TASOR: variants seen among roughly 807,000 people sequenced by gnomAD.
TASOR encodes transcription activation suppressor, also known as protein TASOR.
Under a neutral mutation model 178.6 loss-of-function variants are expected in TASOR, and 53 were observed. The observed-to-expected ratio is 0.30, with a 90% confidence interval of 0.24 to 0.37. The LOEUF is 0.37. Among genes scored for constraint, TASOR ranks in the 10% least tolerant of loss-of-function variants. The pLI, the probability that TASOR is intolerant of heterozygous loss-of-function variation, is 1.00. For missense variants in TASOR, 1,815 were observed against 1,971.4 expected, an observed-to-expected ratio of 0.92 and a Z score of 1.50; for synonymous variants, 713 against 696.2, an observed-to-expected ratio of 1.02 and a Z score of -0.38.
chr3:56,672,795 G>C (rs1457278191), intron 2 of TASOR, among the ~76,000 whole-genome samples: 6 of 152,070 alleles, frequency 3.9e-5, no homozygotes, highest in African/African-American at 1.4e-4. Context: ...AATACTCAAA[G>C]AGCAAAAAGC....
At chr3:56,639,028 A>T (rs891941195) in intron 16 of TASOR, among the ~76,000 whole-genome samples, 1 of 152,138 alleles carries the variant, frequency 6.6e-6, no homozygotes, top group Non-Finnish European at 1.5e-5. Context: ...TCTCCTACTC[A>T]AGCTGATGTT....
At chr3:56,629,098 AG>A (rs2076858814) in intron 18 of TASOR, 1 of 152,634 alleles carries the variant, frequency 6.6e-6, no homozygotes, top group African/African-American at 2.4e-5. Flanking sequence ...TTTCTAGAAG[AG>A]GAATCTAAAG....
In TASOR at chr3:56,623,250, A is replaced by C. The variant is rs1411950625; in HGVS notation, c.4800T>G (p.Ser1600Arg). 1 of 1,613,436 alleles carries C rather than the reference A, an allele frequency of 6.2e-7. No individual in the cohort carries two copies. Among genetic ancestry groups the C allele is most frequent in the Non-Finnish European group, 8.5e-7 (1 of 1,179,906 alleles). Residue 1600 changes from serine to arginine, a missense_variant, in exon 24 of 24, where the codon AGT (serine) becomes AGG (arginine). Ser to Arg is a moderately radical substitution (Grantham distance 110). Coordinates refer to ENST00000683822, the MANE Select transcript of TASOR (RefSeq NM_001365635.2). ...DSYSNFQVYH[S>R]QLNMSHQFSH... ...TAAACTGATGGGACATATTTAATTGACTATGATAAACCTGAAAGTTACTAT... is the reference window on the plus strand; with the variant it reads ...TAAACTGATGGGACATATTTAATTGCCTATGATAAACCTGAAAGTTACTAT...
chr3:56,665,611 G>A (rs531590553), intron 7 of TASOR, among the ~76,000 whole-genome samples: 42 of 151,950 alleles, frequency 2.8e-4, no homozygotes, highest in Admixed American at 7.2e-4. Flanking sequence ...CACCCACCTC[G>A]TCCTCCCAAA....
chr3:56,678,500 T>C (rs1578309256), intron 1 of TASOR, among the ~76,000 whole-genome samples: 1 of 151,986 alleles, frequency 6.6e-6, no homozygotes, highest in Non-Finnish European at 1.5e-5. Context: ...GATTTGAAGG[T>C]TGTATTTATA....
chr3:56,621,462 C>CTAGTT lies in TASOR; in HGVS notation c.*1570_*1574dup. 9.8e-7 allele frequency: 1 copy of CTAGTT among 1,025,412 alleles called. No homozygotes were observed. Among genetic ancestry groups the CTAGTT allele is most frequent in the Non-Finnish European group, 1.4e-6 (1 of 703,732 alleles). The allele number at this position is 1,025,412 out of a possible 1,614,324, so 63.5% of individuals were successfully genotyped here. A position where few individuals can be genotyped will look rare whatever the true frequency, so the allele number is the denominator to read the frequency against. ...ATATGTTTTCCAAGTGAATATAATT[C>CTAGTT]TAGTTTAACACAACATTGCAAGTCA... On this transcript the variant is annotated 3_prime_UTR_variant, in exon 24 of 24. Coordinates refer to ENST00000683822, the MANE Select transcript of TASOR (RefSeq NM_001365635.2).
intron 7 of TASOR, 108 bp downstream of exon 7, chr3:56,666,152 T>C (rs1447923475): frequency 2.0e-5 from 17 of 856,402 alleles, no homozygotes; most frequent in African/African-American, 1.8e-4. Context: ...CAAGGGAAGT[T>C]AAAAAAAAAA....
Position 56,682,809 on chromosome 3 carries a change from G to A in TASOR, c.198C>T (p.Ala66=). ...GREENAGAEA[A]QSLSHEQPQD... ...GAGGCTGCTCGTGGCTGAGGCTCTG[G>A]GCGGCCTCGGCCCCCGCGTTCTCCT... is the stretch of plus-strand genomic sequence containing the variant. The change falls in exon 1 of 24, where the codon GCC becomes GCT. Residue 66 remains alanine, a synonymous_variant. Coordinates refer to ENST00000683822, the MANE Select transcript of TASOR (RefSeq NM_001365635.2). The A allele has an allele frequency of 4.5e-6, 7 of 1,550,370 alleles. No individual in the cohort carries two copies. Among genetic ancestry groups the A allele is most frequent in the Non-Finnish European group, 6.1e-6 (7 of 1,146,350 alleles).
intron 18 of TASOR, among the ~76,000 whole-genome samples, chr3:56,631,557 C>CGT (rs144457927): frequency 0.16 from 23,467 of 147,240 alleles, 2,344 homozygotes; most frequent in South Asian, 0.35. Context: ...CACAGAAAGG[C>CGT]GTGTGTGTGT....
chr3:56,658,269 T>G (rs1333092851), intron 11 of TASOR, among the ~76,000 whole-genome samples: 1 of 152,196 alleles, frequency 6.6e-6, no homozygotes, highest in Non-Finnish European at 1.5e-5. Context: ...ACTTCTTGAT[T>G]CTGGAAAAGA....
At chr3:56,679,623 G>A (rs1049169764) in intron 1 of TASOR, among the ~76,000 whole-genome samples, 4 of 152,104 alleles carry the variant, frequency 2.6e-5, no homozygotes, top group Admixed American at 6.5e-5. Context: ...GTGCATGAGC[G>A]CAATTAATTT....
chr3:56,631,663 A>G (rs1000925782), intron 18 of TASOR, among the ~76,000 whole-genome samples: 5 of 148,162 alleles, frequency 3.4e-5, no homozygotes, highest in Admixed American at 6.8e-5. Flanking sequence ...GGCTCACTGC[A>G]AGCTCCGCCT....
intron 1 of TASOR, among the ~76,000 whole-genome samples, chr3:56,677,398 A>G (rs996981270): frequency 1.3e-5 from 2 of 152,220 alleles, no homozygotes; most frequent in African/African-American, 2.4e-5. Context: ...TACCACCTTC[A>G]ATACTGTACT....
chr3:56,682,401 A>G (rs2031874405), intron 1 of TASOR, among the ~76,000 whole-genome samples: 1 of 151,998 alleles, frequency 6.6e-6, no homozygotes, highest in Admixed American at 6.6e-5. Context: ...GCCGAGCACC[A>G]TCTTTCCTCT....
chr3:56,674,016 C>T (rs1016723521), intron 1 of TASOR, among the ~76,000 whole-genome samples: 5 of 152,028 alleles, frequency 3.3e-5, no homozygotes, highest in African/African-American at 1.2e-4. Context: ...ACCTAAATTG[C>T]TTAAAGACTC....
chr3:56,633,219 G>A lies in TASOR; in HGVS notation c.3572C>T (p.Thr1191Ile), dbSNP rs2076952159. 6.2e-7 allele frequency: 1 copy of A among 1,614,006 alleles called. No individual in the cohort carries two copies. The highest frequency in any genetic ancestry group is 1.3e-5 in the African/African-American group (1 of 74,924). ...AATGTTTACATCACTGGGGGATTTT[G>A]TTGTTTCTTCTACTGGTTCCCGGGC... ...DMAREPVEET[T>I]KSPSDVNISA... The change falls in exon 18 of 24, where the codon ACA becomes ATA. Residue 1191 changes from threonine (T) to isoleucine (I), a missense_variant. By Grantham distance (89) the Thr-to-Ile change is moderately conservative (BLOSUM62 -1). Coordinates refer to ENST00000683822, the MANE Select transcript of TASOR (RefSeq NM_001365635.2).
At chr3:56,639,410 CAAAA>C (rs66863926) in intron 16 of TASOR, among the ~76,000 whole-genome samples, 2 of 148,780 alleles carry the variant, frequency 1.3e-5, no homozygotes, top group African/African-American at 4.9e-5. Flanking sequence ...AGAATGCTAC[CAAAA>C]AAAAAAAAAG....
rs764813627 is a variant in TASOR at position 56,620,667 on chromosome 3, AAG to A, written c.*2368_*2369del. The A allele has an allele frequency of 1.3e-4, 20 of 152,342 alleles. No homozygotes were observed. The highest frequency in any genetic ancestry group is 2.4e-4 in the Non-Finnish European group (16 of 68,036). 9.4% of individuals were successfully genotyped at this position (152,342 alleles called of 1,614,324 possible). On this transcript the variant is annotated 3_prime_UTR_variant, in exon 24 of 24. Transcript: ENST00000683822. ...TCATTTGAAGACAAACAGGGTTACT[AAG>A]AGTTTTACATAAGTTATTTCTTTAG...
chr3:56,644,165 AACTT>A (rs763637650), intron 14 of TASOR, among the ~76,000 whole-genome samples: 4 of 152,236 alleles, frequency 2.6e-5, no homozygotes, highest in Non-Finnish European at 5.9e-5. Context: ...TTGTGCCACT[AACTT>A]CATAACTTTT....
Sources: gnomAD v4.1 joint callset for allele counts (sites outside exome capture counted in the v4.1 genomes callset) on GRCh38, gnomAD v4.1.1 for gene constraint, MANE v1.5 for transcripts, NCBI Gene and HGNC (gene_info 2026-07-23, HGNC 2026-07-21) for gene names.